SORCS3: variants seen among roughly 807,000 people sequenced by gnomAD.
SORCS3 encodes the protein VPS10 domain-containing receptor SorCS3.
Under a neutral mutation model 146.3 loss-of-function variants are expected in SORCS3, and 57 were observed. The ratio of observed to expected loss-of-function variants is 0.39; its 90% CI spans 0.31 to 0.49. The LOEUF is 0.49. Ranked by LOEUF, SORCS3 falls within the 20% of genes least tolerant of loss-of-function variation. SORCS3 has a pLI of 0.92. For missense variants in SORCS3, 1,341 were observed against 1,575.5 expected (o/e 0.85, Z 2.52); for synonymous variants, 653 against 618.5 (o/e 1.06, Z -0.83).
intron 13 of SORCS3, among the ~76,000 whole-genome samples, chr10:105,175,624 T>G (rs1422319285): frequency 6.6e-6 from 1 of 152,162 alleles, no homozygotes; most frequent in Non-Finnish European, 1.5e-5. Context: ...TTTCCAATTA[T>G]ACATGTTTTC....
chr10:105,003,997 TCTC>T, intron 4 of SORCS3, among the ~76,000 whole-genome samples: 1 of 115,380 alleles, frequency 8.7e-6, no homozygotes, highest in Non-Finnish European at 1.7e-5. Context: ...TTCTCTTCTC[TCTC>T]TTTTTTTTTT....
intron 2 of SORCS3, among the ~76,000 whole-genome samples, chr10:104,890,183 C>T (rs1268768184): frequency 1.3e-5 from 2 of 151,944 alleles, no homozygotes; most frequent in Non-Finnish European, 2.9e-5. Context: ...TTGTGCTTCT[C>T]GGATATCGAC....
intron 2 of SORCS3, among the ~76,000 whole-genome samples, chr10:104,857,024 G>A (rs1023770247): frequency 6.7e-6 from 1 of 149,750 alleles, no homozygotes; most frequent in African/African-American, 2.5e-5. Flanking sequence ...AGGATCAGAG[G>A]ATGCTTATGC....
In SORCS3 at chr10:105,043,075, T is replaced by C. The variant is rs756542449; in HGVS notation, c.975T>C (p.Phe325=). The C allele has an allele frequency of 1.9e-6, 3 of 1,613,870 alleles. No homozygotes were observed. The South Asian group carries it at 3.3e-5, about 18-fold the overall frequency. The change falls in exon 5 of 27, where the codon TTT becomes TTC. Residue 325 remains phenylalanine (F), a synonymous_variant. Transcript: ENST00000369701. ...TGCAGCTCTACAGCTCCATGGACTT[T>C]GGAAGACGGTGGCAACTCATGCATG... ...LDQKLYSSMD[F]GRRWQLMHER... is the part of the protein sequence containing the mutation.
At chr10:104,861,002 C>T (rs924642500) in intron 2 of SORCS3, among the ~76,000 whole-genome samples, 2 of 152,144 alleles carry the variant, frequency 1.3e-5, no homozygotes, top group African/African-American at 2.4e-5. Flanking sequence ...GTAGGGTGAC[C>T]TTCCTCCTGG....
chr10:105,006,833 A>G (rs2055099125), intron 4 of SORCS3, among the ~76,000 whole-genome samples: 1 of 152,140 alleles, frequency 6.6e-6, no homozygotes. Context: ...CTTCTTCTCA[A>G]CTTACAACAG....
At chr10:105,162,826 A>G (rs2056277114) in intron 11 of SORCS3, among the ~76,000 whole-genome samples, 1 of 152,172 alleles carries the variant, frequency 6.6e-6, no homozygotes, top group South Asian at 2.1e-4. Flanking sequence ...CTCTGGAGCA[A>G]CAGTGCTCCT....
At chr10:104,739,369 G>A (rs1431241458) in intron 1 of SORCS3, among the ~76,000 whole-genome samples, 1 of 152,144 alleles carries the variant, frequency 6.6e-6, no homozygotes, top group East Asian at 1.9e-4. Context: ...TTGTCACATA[G>A]AAGTTCACCA....
chr10:105,228,328 T>C (rs1272281282), intron 20 of SORCS3, among the ~76,000 whole-genome samples: 3 of 151,634 alleles, frequency 2.0e-5, no homozygotes, highest in African/African-American at 7.3e-5. Flanking sequence ...CCTCCATCAC[T>C]CCCTCCATCC....
chr10:104,881,511 G>C (rs1001474305), intron 2 of SORCS3, among the ~76,000 whole-genome samples: 1 of 152,140 alleles, frequency 6.6e-6, no homozygotes, highest in Non-Finnish European at 1.5e-5. Context: ...ACTTGTGAGG[G>C]AGCCTACAAC....
chr10:105,223,349 T>C (rs867316359), intron 20 of SORCS3, 100 bp downstream of exon 20: 2 of 1,234,492 alleles, frequency 1.6e-6, no homozygotes, highest in Middle Eastern at 4.1e-4. Context: ...ATGCAGGCAA[T>C]AAGAGGTACT....
chr10:105,239,632 C>T (rs888178988), intron 20 of SORCS3, among the ~76,000 whole-genome samples: 3 of 152,194 alleles, frequency 2.0e-5, no homozygotes, highest in East Asian at 1.9e-4. Flanking sequence ...TCTAAGGGGC[C>T]TCCCTGTGGG....
chr10:104,919,685 G>A (rs2019067783), intron 3 of SORCS3, among the ~76,000 whole-genome samples: 5 of 151,620 alleles, frequency 3.3e-5, no homozygotes, highest in South Asian at 4.2e-4. Flanking sequence ...GTGAAACTCC[G>A]TCTGAAGAAA....
chr10:104,853,019 G>T (rs1317232476), intron 2 of SORCS3, among the ~76,000 whole-genome samples: 1 of 152,200 alleles, frequency 6.6e-6, no homozygotes, highest in Non-Finnish European at 1.5e-5. Context: ...TGGGGAATAG[G>T]CCGGGCGCGG....
intron 1 of SORCS3, among the ~76,000 whole-genome samples, chr10:104,717,056 A>G (rs2016487643): frequency 6.6e-6 from 1 of 152,204 alleles, no homozygotes. Context: ...TGGAAGGCCA[A>G]GGCAGAAGAA....
At chr10:105,234,245 ATTCTT>A (rs1260873484) in intron 20 of SORCS3, among the ~76,000 whole-genome samples, 4 of 151,958 alleles carry the variant, frequency 2.6e-5, no homozygotes, top group Non-Finnish European at 5.9e-5. Context: ...GTTGGATATA[ATTCTT>A]ATCTCTTCTC....
intron 1 of SORCS3, among the ~76,000 whole-genome samples, chr10:104,835,192 C>A (rs931292771): frequency 1.3e-5 from 2 of 152,050 alleles, no homozygotes; most frequent in Non-Finnish European, 2.9e-5. Flanking sequence ...CTACTCCCTG[C>A]AGGGGAGGCT....
chr10:105,219,757 C>T (rs1438390283), intron 19 of SORCS3, among the ~76,000 whole-genome samples: 2 of 152,338 alleles, frequency 1.3e-5, no homozygotes, highest in African/African-American at 4.8e-5. Flanking sequence ...ATGAACTTCA[C>T]ATTCCTCTAT....
chr10:104,855,950 G>T (rs192023603), intron 2 of SORCS3, among the ~76,000 whole-genome samples: 2 of 152,078 alleles, frequency 1.3e-5, no homozygotes, highest in Non-Finnish European at 1.5e-5. Context: ...TGTCCAGGCT[G>T]GTCTTGTACT....
Sources: gnomAD v4.1 joint callset for allele counts (sites outside exome capture counted in the v4.1 genomes callset) on GRCh38, gnomAD v4.1.1 for gene constraint, MANE v1.5 for transcripts, NCBI Gene and HGNC (gene_info 2026-07-23, HGNC 2026-07-21) for gene names.